SEM1: variants seen among roughly 807,000 people sequenced by gnomAD.
SEM1 encodes 26S proteasome complex subunit SEM1.
SEM1 carries 3 observed loss-of-function variants against 12.7 expected under a neutral mutation model. The ratio of observed to expected loss-of-function variants is 0.24; its 90% confidence interval spans 0.11 to 0.61. The LOEUF (loss-of-function observed/expected upper bound fraction) is 0.61, where lower values mean the gene tolerates loss of function less well. Ranked by LOEUF, SEM1 falls within the 20% of genes least tolerant of loss-of-function variation. The pLI is 0.88. For synonymous variants in SEM1, 30 were observed against 27.8 expected, an observed-to-expected ratio of 1.08 and a Z score of -0.25; for missense variants, 59 against 81.3, an observed-to-expected ratio of 0.73 and a Z score of 1.06.
Position 96,615,239 on chromosome 7 carries a change from A to ATTTTTTTTTTTTTTTTT in SEM1, c.170+79558_170+79559insAAAAAAAAAAAAAAAAA, listed in dbSNP as rs1421596853. ...GGACTGTTGGGTTATTTTTTGAGTCATCTTTTTTTTTTTTTTTTTTTTTTT... is the reference window on the plus strand; with the variant it reads ...GGACTGTTGGGTTATTTTTTGAGTCATTTTTTTTTTTTTTTTTTCTTTTTTTTTTTTTTTTTTTTTTT... On this transcript the variant is annotated intron_variant and NMD_transcript_variant, in intron 2 of 3. Coordinates refer to the SEM1 transcript ENST00000466986. Among the ~76,000 whole-genome samples the ATTTTTTTTTTTTTTTTT allele has an allele frequency of 1.7e-4, 17 of 98,106 alleles. 3 individuals are homozygous for ATTTTTTTTTTTTTTTTT. Among genetic ancestry groups the ATTTTTTTTTTTTTTTTT allele is most frequent in the Admixed American group, 2.5e-4 (2 of 7,892 alleles). The allele number at this position is 98,106 out of a possible 152,430, so 64.4% of individuals were successfully genotyped here.
At chr7:96,676,324 T>G (rs1258321058) in intron 2 of SEM1, among the ~76,000 whole-genome samples, 1 of 152,140 alleles carries the variant, frequency 6.6e-6, no homozygotes, top group African/African-American at 2.4e-5. Context: ...TATATATAGG[T>G]TGAATGATTG....
intron 2 of SEM1, among the ~76,000 whole-genome samples, chr7:96,568,933 T>C (rs1805934764): frequency 6.6e-6 from 1 of 151,954 alleles, no homozygotes; most frequent in African/African-American, 2.4e-5. Context: ...GAAACTAGTT[T>C]GTCATAACAT....
intron 2 of SEM1, among the ~76,000 whole-genome samples, chr7:96,624,007 G>A (rs1398932647): frequency 2.0e-5 from 3 of 152,080 alleles, no homozygotes; most frequent in Non-Finnish European, 4.4e-5. Flanking sequence ...ACTGGGATAA[G>A]GGCCCACCAG....
At chr7:96,658,321 CTG>C (rs1262937251) in intron 2 of SEM1, among the ~76,000 whole-genome samples, 3 of 152,054 alleles carry the variant, frequency 2.0e-5, no homozygotes, top group African/African-American at 4.8e-5. Flanking sequence ...TCTCTTTTTT[CTG>C]TGTTTGATCT....
chr7:96,569,932 G>T (rs545960220), intron 2 of SEM1, among the ~76,000 whole-genome samples: 2 of 151,590 alleles, frequency 1.3e-5, no homozygotes, highest in Admixed American at 1.3e-4. Context: ...TCTAATTATC[G>T]TTGATGGAAA....
intron 2 of SEM1, among the ~76,000 whole-genome samples, chr7:96,655,858 A>C (rs1809164791): frequency 6.6e-6 from 1 of 152,198 alleles, no homozygotes; most frequent in Admixed American, 6.5e-5. Flanking sequence ...ATATTTTGAT[A>C]ATTAGTGATT....
At chr7:96,502,235 C>A (rs1803587856) in intron 3 of SEM1, among the ~76,000 whole-genome samples, 1 of 152,098 alleles carries the variant, frequency 6.6e-6, no homozygotes. Context: ...ATTAGTAGAG[C>A]CATAAATCAA....
rs137969727 is a variant in SEM1, at chr7:96,569,247, G to T, written c.171-62549C>A. 1.9e-3 allele frequency among the ~76,000 whole-genome samples: 295 copies of T among 152,052 alleles called. 1 individual carries two copies. The highest frequency in any genetic ancestry group is 0.01 in the South Asian group (49 of 4,818). On this transcript the variant is annotated intron_variant and NMD_transcript_variant, in intron 2 of 3. Coordinates refer to the SEM1 transcript ENST00000466986. ...AGATTTTTGTAAGTTTATTGAAAAA[G>T]TAATTTTTCCTGTACTGTTTCTTCT...
At chr7:96,677,995 C>T (rs1789499950) in intron 2 of SEM1, among the ~76,000 whole-genome samples, 1 of 152,202 alleles carries the variant, frequency 6.6e-6, no homozygotes, top group African/African-American at 2.4e-5. Flanking sequence ...AACTAACAGA[C>T]TACTTTCAGT....
At chr7:96,699,339 C>T (rs1307982241) in intron 1 of SEM1, among the ~76,000 whole-genome samples, 1 of 152,202 alleles carries the variant, frequency 6.6e-6, no homozygotes, top group Admixed American at 6.6e-5. Flanking sequence ...ATTAACCTCC[C>T]TGACTCTAGT....
downstream of SEM1, among the ~76,000 whole-genome samples, chr7:96,671,661 A>G (rs1274572697): frequency 6.6e-6 from 1 of 152,220 alleles, no homozygotes; most frequent in Admixed American, 6.5e-5. Context: ...CTTACAGTTA[A>G]TGAACATATA....
Position 96,531,608 on chromosome 7 carries a change from A to G in SEM1, c.171-24910T>C, listed in dbSNP as rs1020787891. On this transcript the variant is annotated intron_variant and NMD_transcript_variant, in intron 2 of 3. Coordinates refer to the SEM1 transcript ENST00000466986. ...GGGCGACAGTGAGACTCTGTGTGGA[A>G]AAAAAAAAAAAAAAGGAAATGCACA... Among the ~76,000 whole-genome samples, 13 of 6,556 alleles carry G rather than the reference A, an allele frequency of 2.0e-3. No homozygotes were observed. In the Non-Finnish European group the frequency reaches 0.054, roughly 27 times the overall value. 4.3% of individuals were successfully genotyped at this position (6,556 alleles called of 152,430 possible).
intron 1 of SEM1, among the ~76,000 whole-genome samples, chr7:96,491,197 TA>T (rs373655302): frequency 1.7e-4 from 26 of 152,086 alleles, no homozygotes; most frequent in African/African-American, 4.8e-4. Context: ...TCCTTTTTGA[TA>T]AAAAAAATTC....
intron 2 of SEM1, chr7:96,653,836 C>G (rs1334306171): frequency 6.6e-6 from 1 of 152,182 alleles, no homozygotes; most frequent in African/African-American, 2.4e-5. Flanking sequence ...CTCTCTTTTT[C>G]TTCTGAAAGA....
chr7:96,607,231 A>G (rs981117978), intron 2 of SEM1, among the ~76,000 whole-genome samples: 1 of 152,212 alleles, frequency 6.6e-6, no homozygotes, highest in African/African-American at 2.4e-5. Context: ...TCAATAACAA[A>G]TAAACAAATA....
At chr7:96,492,034 A>G (rs1803029837) in intron 1 of SEM1, among the ~76,000 whole-genome samples, 1 of 152,318 alleles carries the variant, frequency 6.6e-6, no homozygotes, top group Non-Finnish European at 1.5e-5. Flanking sequence ...CAGTGTTTAC[A>G]CAGTCTTTCT....
intron 2 of SEM1, among the ~76,000 whole-genome samples, chr7:96,676,147 G>A (rs1187569748): frequency 1.3e-5 from 2 of 152,178 alleles, no homozygotes; most frequent in African/African-American, 4.8e-5. Flanking sequence ...AAATTTTCCT[G>A]TTTACATAGA....
chr7:96,545,426 TCAA>T (rs2115808635), intron 2 of SEM1, among the ~76,000 whole-genome samples: 1 of 151,916 alleles, frequency 6.6e-6, no homozygotes, highest in East Asian at 1.9e-4. Context: ...GTAGTAAAAC[TCAA>T]CAACTTGCTA....
chr7:96,588,391 C>G (rs1212949726), intron 2 of SEM1, among the ~76,000 whole-genome samples: 1,433 of 60,520 alleles, frequency 0.024, 18 homozygotes, highest in African/African-American at 0.062. Context: ...CACACACACA[C>G]ACACACGAGA....
Sources: allele counts gnomAD v4.1 joint callset (sites outside exome capture counted in the v4.1 genomes callset), GRCh38; gene constraint gnomAD v4.1.1; transcripts MANE v1.5; gene names NCBI Gene and HGNC (gene_info 2026-07-23, HGNC 2026-07-21).